EYS: variants seen among roughly 807,000 people sequenced by gnomAD.
EYS encodes the protein EGF-like photoreceptor maintenance factor.
A neutral mutation model predicts 282.1 loss-of-function variants in EYS; 250 were observed. That is an observed-to-expected ratio of 0.89 (90% CI 0.80 to 0.98). EYS has a LOEUF of 0.98. EYS is among the 50% of genes least tolerant of loss of function. The probability of loss-of-function intolerance (pLI) is 0.00; values close to 1 mark genes in which losing one functional copy is unlikely to be tolerated. For synonymous variants in EYS, 1,355 were observed against 1,282.9 expected (o/e 1.06, Z -1.20); for missense variants, 4,016 against 3,709.0 (o/e 1.08, Z -2.15).
chr6:65,426,357 A>G (rs1478129893), intron 5 of EYS, among the ~76,000 whole-genome samples: 11 of 152,240 alleles, frequency 7.2e-5, no homozygotes, highest in Middle Eastern at 3.4e-3. Flanking sequence ...TGGCTACTAA[A>G]TAAAATACAG....
At chr6:64,988,374 T>C (rs1196309287) in intron 14 of EYS, among the ~76,000 whole-genome samples, 2 of 150,762 alleles carry the variant, frequency 1.3e-5, no homozygotes, top group South Asian at 2.1e-4. Flanking sequence ...GTCAAACAAA[T>C]GCTATCATGT....
At chr6:64,512,415 G>A (rs1325799395) in intron 26 of EYS, among the ~76,000 whole-genome samples, 1 of 152,002 alleles carries the variant, frequency 6.6e-6, no homozygotes, top group Non-Finnish European at 1.5e-5. Flanking sequence ...AAATTAGGCT[G>A]AGGAAAGAGC....
chr6:64,844,767 T>C (rs1765670206), intron 19 of EYS, among the ~76,000 whole-genome samples: 1 of 152,184 alleles, frequency 6.6e-6, no homozygotes, highest in Non-Finnish European at 1.5e-5. Context: ...TTTAACATTA[T>C]TTTCACTTTG....
intron 13 of EYS, among the ~76,000 whole-genome samples, chr6:65,009,047 G>A (rs1277830219): frequency 6.6e-6 from 1 of 152,128 alleles, no homozygotes; most frequent in Non-Finnish European, 1.5e-5. Context: ...AAAAGCAGGG[G>A]CCATTATACA....
At position 64,878,228 on chromosome 6, in the gene EYS, A is replaced by G. The variant is rs557514206; in HGVS notation, c.2992+8469T>C. On this transcript the variant is annotated intron_variant, in intron 19 of 42. Coordinates refer to ENST00000503581, the MANE Select transcript of EYS (RefSeq NM_001142800.2). Reference sequence around the variant, plus strand: ...CGACAACAGCGAGACTCCATCGGAAAAAAGAAAATATGATAATAATAATGG... The same window carrying G: ...CGACAACAGCGAGACTCCATCGGAAGAAAGAAAATATGATAATAATAATGG... Among the ~76,000 whole-genome samples, 3 of 152,278 alleles carry G rather than the reference A, an allele frequency of 2.0e-5. No homozygotes were observed. In the South Asian group the frequency reaches 6.2e-4, roughly 32 times the overall value.
intron 35 of EYS, among the ~76,000 whole-genome samples, chr6:63,865,277 A>G (rs781361491): frequency 2.0e-5 from 3 of 152,260 alleles, no homozygotes; most frequent in Non-Finnish European, 4.4e-5. Flanking sequence ...CTGAGAATAA[A>G]TAGCTAATAC....
chr6:64,054,654 G>A (rs76127610), intron 33 of EYS, among the ~76,000 whole-genome samples: 5 of 152,130 alleles, frequency 3.3e-5, no homozygotes, highest in Non-Finnish European at 5.9e-5. Flanking sequence ...AAGGGCTCTA[G>A]AGTAAAATGG....
intron 31 of EYS, among the ~76,000 whole-genome samples, chr6:64,119,582 T>C (rs1041495657): frequency 6.6e-6 from 1 of 152,240 alleles, no homozygotes; most frequent in Non-Finnish European, 1.5e-5. Context: ...TTGTGTTTAA[T>C]AAACATTTAG....
chr6:65,171,157 A>G (rs753376829), intron 12 of EYS, among the ~76,000 whole-genome samples: 1 of 151,588 alleles, frequency 6.6e-6, no homozygotes, highest in African/African-American at 2.4e-5. Context: ...TTAGGAAAGC[A>G]TGTATAGAAT....
At chr6:64,869,819 A>T (rs1240660442) in intron 19 of EYS, among the ~76,000 whole-genome samples, 1 of 151,670 alleles carries the variant, frequency 6.6e-6, no homozygotes, top group East Asian at 1.9e-4. Flanking sequence ...AGGGCATTCA[A>T]TTATTTTAAG....
intron 2 of EYS, among the ~76,000 whole-genome samples, chr6:65,518,678 T>C (rs1181744195): frequency 6.6e-6 from 1 of 152,196 alleles, no homozygotes; most frequent in Non-Finnish European, 1.5e-5. Context: ...TGTATATTAG[T>C]AGGTTCTCAC....
chr6:65,012,396 A>G (rs1216702417), intron 13 of EYS, among the ~76,000 whole-genome samples: 2 of 152,346 alleles, frequency 1.3e-5, no homozygotes, highest in African/African-American at 4.8e-5. Flanking sequence ...AAGGCTACTT[A>G]TTCACTAAAA....
At chr6:64,665,263 T>C (rs9354019) in intron 22 of EYS, among the ~76,000 whole-genome samples, 114,265 of 152,134 alleles carry the variant, frequency 0.75, 42,988 homozygotes, top group South Asian at 0.83. Context: ...TTTTAGGTAA[T>C]GTGGAACAAA....
At chr6:65,139,648 A>T (rs1289158934) in intron 12 of EYS, among the ~76,000 whole-genome samples, 1 of 152,056 alleles carries the variant, frequency 6.6e-6, no homozygotes, top group Non-Finnish European at 1.5e-5. Flanking sequence ...GTGGGAAACT[A>T]GACTTCTACC....
intron 35 of EYS, among the ~76,000 whole-genome samples, chr6:63,872,154 CAGTG>C (rs1772823835): frequency 6.6e-6 from 1 of 152,192 alleles, no homozygotes; most frequent in Admixed American, 6.5e-5. Context: ...GGTGGCTTCT[CAGTG>C]AGCTCCCTAG....
At chr6:63,756,648 T>A (rs970143433) in intron 41 of EYS, among the ~76,000 whole-genome samples, 2 of 152,034 alleles carry the variant, frequency 1.3e-5, no homozygotes, top group African/African-American at 2.4e-5. Flanking sequence ...ATAAAGTGAG[T>A]TAGGGAGTGT....
At chr6:64,065,346 T>G (rs568148046) in intron 33 of EYS, among the ~76,000 whole-genome samples, 5 of 152,308 alleles carry the variant, frequency 3.3e-5, no homozygotes, top group African/African-American at 1.2e-4. Context: ...TATTTTTCAA[T>G]GACATAGAGT....
chr6:65,592,620 G>A (rs1029743248), intron 2 of EYS, among the ~76,000 whole-genome samples: 6 of 151,800 alleles, frequency 4.0e-5, no homozygotes, highest in Admixed American at 4.0e-4. Flanking sequence ...TTAGACATGA[G>A]GAAACTATAG....
intron 26 of EYS, among the ~76,000 whole-genome samples, chr6:64,482,260 A>G (rs1383118317): frequency 6.6e-6 from 1 of 151,688 alleles, no homozygotes; most frequent in Non-Finnish European, 1.5e-5. Context: ...CAAGGGGAAT[A>G]GGGTCAATAT....
Sources: allele counts gnomAD v4.1 joint callset (sites outside exome capture counted in the v4.1 genomes callset), GRCh38; gene constraint gnomAD v4.1.1; transcripts MANE v1.5; gene names NCBI Gene and HGNC (gene_info 2026-07-23, HGNC 2026-07-21).